The following TMED8 variants were observed in gnomAD, a reference collection of about 807,000 sequenced individuals.
TMED8 encodes transmembrane p24 trafficking protein family member 8.
TMED8 carries 15 observed loss-of-function variants against 32.7 expected under a neutral mutation model. The observed-to-expected ratio is 0.46, with a 90% CI of 0.31 to 0.71. The LOEUF is 0.71. Among genes scored for constraint, TMED8 ranks in the 30% least tolerant of loss-of-function variants. TMED8 has a pLI of 0.06. For synonymous variants in TMED8, 147 were observed against 161.4 expected, an observed-to-expected ratio of 0.91 and a Z score of 0.68; for missense variants, 390 against 423.9, an observed-to-expected ratio of 0.92 and a Z score of 0.70.
intron 1 of TMED8, among the ~76,000 whole-genome samples, chr14:77,372,923 TATATATATATATATATATATATATATA>T (rs1566696250): frequency 1.1e-3 from 28 of 25,808 alleles, no homozygotes; most frequent in African/African-American, 6.3e-3. Context: ...TATATATATA[TATATATATATATATATATATATATATA>T]TATTTTTTTT....
rs557278195 is a variant in TMED8 at position 77,368,901 on chromosome 14, T to G, written c.118+8035A>C. On this transcript the variant is annotated intron_variant, in intron 1 of 5. Transcript: ENST00000216468. ...GGTGGCCTTTGATGAACCAAAGTAC[T>G]TTTGTGTACTCAAAATTTATCAAAT... Among the ~76,000 whole-genome samples the G allele has an allele frequency of 6.0e-4, 92 of 152,326 alleles. 1 individual carries two copies. The highest frequency in any genetic ancestry group is 6.8e-3 in the Middle Eastern group (2 of 294).
intron 1 of TMED8, among the ~76,000 whole-genome samples, chr14:77,367,764 G>A (rs1023474000): frequency 3.3e-5 from 5 of 151,674 alleles, no homozygotes; most frequent in African/African-American, 1.2e-4. Flanking sequence ...TGCAATCTCG[G>A]CTCACTGCAA....
intron 1 of TMED8, among the ~76,000 whole-genome samples, chr14:77,375,958 T>C (rs1893805249): frequency 6.6e-6 from 1 of 152,230 alleles, no homozygotes; most frequent in Non-Finnish European, 1.5e-5. Context: ...CAGACTCCAA[T>C]CCAGGCACCC....
intron 1 of TMED8, among the ~76,000 whole-genome samples, chr14:77,353,327 A>G (rs948292137): frequency 1.3e-5 from 2 of 152,234 alleles, no homozygotes; most frequent in Non-Finnish European, 2.9e-5. Flanking sequence ...TGAAAGTTTC[A>G]GAGTTTGGTA....
At chr14:77,345,843 G>A (rs1191307231) in intron 3 of TMED8, among the ~76,000 whole-genome samples, 1 of 151,720 alleles carries the variant, frequency 6.6e-6, no homozygotes, top group Admixed American at 6.6e-5. Context: ...GGTGGCATGT[G>A]CCTGTAATCC....
chr14:77,374,198 C>T (rs1354480682), intron 1 of TMED8, among the ~76,000 whole-genome samples: 1 of 152,156 alleles, frequency 6.6e-6, no homozygotes, highest in Non-Finnish European at 1.5e-5. Flanking sequence ...CTATTGCTTA[C>T]TCATTGTATC....
At chr14:77,369,109 C>A (rs1021790935) in intron 1 of TMED8, among the ~76,000 whole-genome samples, 1 of 143,708 alleles carries the variant, frequency 7.0e-6, no homozygotes, top group African/African-American at 2.6e-5. Flanking sequence ...TCTTTACTTT[C>A]CTTTCTCTTA....
chr14:77,369,735 T>C (rs1893634637), intron 1 of TMED8, among the ~76,000 whole-genome samples: 1 of 152,242 alleles, frequency 6.6e-6, no homozygotes, highest in Non-Finnish European at 1.5e-5. Context: ...TTCCAGCAGA[T>C]GTTTATATTT....
intron 1 of TMED8, among the ~76,000 whole-genome samples, chr14:77,352,960 T>C (rs1327598366): frequency 5.3e-5 from 8 of 152,200 alleles, no homozygotes; most frequent in Admixed American, 3.9e-4. Context: ...CATTTACCAA[T>C]GATTTACTGA....
At chr14:77,347,922 G>A (rs2139609338) in intron 2 of TMED8, among the ~76,000 whole-genome samples, 1 of 152,240 alleles carries the variant, frequency 6.6e-6, no homozygotes, top group African/African-American at 2.4e-5. Context: ...AGTTCAAACT[G>A]TTTCATAATA....
chr14:77,361,841 G>A (rs1893443376), intron 1 of TMED8, among the ~76,000 whole-genome samples: 1 of 152,122 alleles, frequency 6.6e-6, no homozygotes, highest in African/African-American at 2.4e-5. Flanking sequence ...CCATGCTGGA[G>A]TGCAGTGGCA....
chr14:77,369,085 G>A (rs1438227065), intron 1 of TMED8, among the ~76,000 whole-genome samples: 1 of 150,654 alleles, frequency 6.6e-6, no homozygotes, highest in Non-Finnish European at 1.5e-5. Flanking sequence ...GATGTGTGAG[G>A]TAAAGATTAC....
chr14:77,359,545 G>C, intron 1 of TMED8: 2 of 404,192 alleles, frequency 4.9e-6, no homozygotes, highest in South Asian at 3.6e-5. Context: ...GAGCTGTGTT[G>C]TTTTCATAAT....
At chr14:77,373,363 T>A (rs1468853359) in intron 1 of TMED8, among the ~76,000 whole-genome samples, 1 of 151,624 alleles carries the variant, frequency 6.6e-6, no homozygotes, top group Non-Finnish European at 1.5e-5. Context: ...CAAGTATGCC[T>A]CAGATAGTTT....
intron 1 of TMED8, among the ~76,000 whole-genome samples, chr14:77,358,124 C>CAAAAAAAAA (rs35361617): frequency 1.3e-5 from 1 of 76,232 alleles, no homozygotes; most frequent in Non-Finnish European, 2.3e-5. Context: ...GCTCTGTCTC[C>CAAAAAAAAA]AAAAAAAAAA....
At chr14:77,374,956 C>T (rs556288670) in intron 1 of TMED8, among the ~76,000 whole-genome samples, 1 of 152,272 alleles carries the variant, frequency 6.6e-6, no homozygotes, top group East Asian at 1.9e-4. Flanking sequence ...TTCATCATAA[C>T]AAGATGACAA....
intron 2 of TMED8, among the ~76,000 whole-genome samples, chr14:77,350,577 CTGTG>C (rs1230566398): frequency 2.0e-5 from 3 of 152,196 alleles, no homozygotes; most frequent in Non-Finnish European, 4.4e-5. Flanking sequence ...GCTTGACTTA[CTGTG>C]TGTGACATCT....
intron 2 of TMED8, among the ~76,000 whole-genome samples, chr14:77,348,099 C>T (rs965824542): frequency 1.3e-5 from 2 of 152,118 alleles, no homozygotes; most frequent in African/African-American, 2.4e-5. Context: ...ATTTATGTCT[C>T]TCTTTGTACT....
chr14:77,372,674 A>G (rs1893698753), intron 1 of TMED8, among the ~76,000 whole-genome samples: 2 of 151,996 alleles, frequency 1.3e-5, no homozygotes, highest in South Asian at 4.1e-4. Context: ...GAATCACGAC[A>G]TGAATAATCA....
Sources: allele counts gnomAD v4.1 joint callset (sites outside exome capture counted in the v4.1 genomes callset), GRCh38; gene constraint gnomAD v4.1.1; transcripts MANE v1.5; gene names NCBI Gene and HGNC (gene_info 2026-07-23, HGNC 2026-07-21).